BPTF: variants seen among roughly 807,000 people sequenced by gnomAD.
BPTF encodes the protein bromodomain PHD finger transcription factor.
A neutral mutation model predicts 292.5 loss-of-function variants in BPTF; 18 were observed. The ratio of observed to expected loss-of-function variants is 0.06; its 90% CI spans 0.04 to 0.09. The LOEUF is 0.09. Among genes scored for constraint, BPTF ranks in the 10% least tolerant of loss-of-function variants. BPTF has a pLI of 1.00. For synonymous variants in BPTF, 1,225 were observed against 1,251.9 expected, an observed-to-expected ratio of 0.98 and a Z score of 0.45; for missense variants, 2,726 against 3,498.7, an observed-to-expected ratio of 0.78 and a Z score of 5.57.
chr17:67,907,155 A>C (rs1004323964), intron 9 of BPTF, among the ~76,000 whole-genome samples: 2 of 150,058 alleles, frequency 1.3e-5, no homozygotes, highest in Non-Finnish European at 3.0e-5. Context: ...ACTGTGCTCC[A>C]GCCTGGGTGA....
intron 25 of BPTF, chr17:67,965,584 C>T: frequency 6.7e-6 from 1 of 149,282 alleles, no homozygotes; most frequent in East Asian, 2.0e-4. Context: ...CACCTGTAAT[C>T]CCAGCTACTA....
chr17:67,944,408 A>G, intron 20 of BPTF, 36 bp downstream of exon 20: 2 of 1,600,592 alleles, frequency 1.2e-6, no homozygotes, highest in Admixed American at 3.3e-5. Flanking sequence ...GTCGGATGTT[A>G]CTACTACACG....
At position 67,903,833 on chromosome 17, in the gene BPTF, T is replaced by TA. The variant is rs1258289743; in HGVS notation, c.2588_2589insA (p.Lys864GlnfsTer26). 2 of 1,585,474 alleles carry TA rather than the reference T, an allele frequency of 1.3e-6. No homozygotes were observed. The highest frequency in any genetic ancestry group is 1.9e-5 in the Admixed American group (1 of 53,750). On this transcript the variant is annotated frameshift_variant, in exon 8 of 28. Coordinates refer to ENST00000306378, the MANE Select transcript of BPTF (RefSeq NM_182641.4). LOFTEE classifies it high-confidence loss of function. The stretch of plus-strand genomic sequence containing the variant: ...ATTGAAAGAGAAGAAAAGGAGAAAG[T>TA]CAAAAAAAAAGAGAAGAAACAGGAA...
chr17:67,896,396 AG>A lies in BPTF; in HGVS notation c.2543+2235del, dbSNP rs1598487493. On this transcript the variant is annotated intron_variant, in intron 7 of 27. Transcript: ENST00000306378. ...AAGGAAAACATTTGGAGAGGGTGGG[AG>A]GGGCACAAGGGTTGTAAAAATTACC... Among the ~76,000 whole-genome samples, 5 of 152,290 alleles carry A rather than the reference AG, an allele frequency of 3.3e-5. No homozygotes were observed. In the East Asian group the frequency reaches 9.6e-4, roughly 29 times the overall value.
At chr17:67,917,141 T>C (rs113198035) in intron 11 of BPTF, among the ~76,000 whole-genome samples, 1 of 134,758 alleles carries the variant, frequency 7.4e-6, no homozygotes, top group Admixed American at 7.1e-5. Flanking sequence ...CTTTTTTTTT[T>C]TTTTTTTTTG....
chr17:67,903,667 G>A (rs748521559), intron 7 of BPTF, 122 bp from the exon 8 acceptor site: 30 of 827,442 alleles, frequency 3.6e-5, no homozygotes, highest in Non-Finnish European at 5.2e-5. Context: ...TGTCAGTTGG[G>A]GTTGTCTGGT....
chr17:67,929,565 T>G (rs1180968119), intron 17 of BPTF, 78 bp downstream of exon 17: 14 of 1,483,454 alleles, frequency 9.4e-6, no homozygotes, highest in Non-Finnish European at 1.2e-5. Context: ...CTTCCAAGAT[T>G]AATCCAACTC....
intron 6 of BPTF, 151 bp downstream of exon 6, chr17:67,893,876 T>A: frequency 8.7e-7 from 1 of 1,153,994 alleles, no homozygotes; most frequent in South Asian, 1.5e-5. Flanking sequence ...TGAGTGTACT[T>A]CTAACTTACT....
chr17:67,887,763 T>G (rs1423332483), intron 4 of BPTF, among the ~76,000 whole-genome samples: 1 of 152,202 alleles, frequency 6.6e-6, no homozygotes, highest in Non-Finnish European at 1.5e-5. Flanking sequence ...TTCCTCTCTC[T>G]CTCACCTTTT....
In BPTF at chr17:67,918,667, T is replaced by C. The variant is rs368886534; in HGVS notation, c.5304-47T>C. On this transcript the variant is annotated intron_variant, in intron 11 of 27. Transcript: ENST00000306378. ...GAGTGAATATGAATGTGTATGTGTA[T>C]GTATATACATATAGATATATATGGA... 76 of 1,547,494 alleles carry C rather than the reference T, an allele frequency of 4.9e-5. No individual in the cohort carries two copies. The African/African-American group carries it at 9.1e-4, about 19-fold the overall frequency.
intron 19 of BPTF, among the ~76,000 whole-genome samples, chr17:67,942,166 A>G (rs531677993): frequency 6.6e-6 from 1 of 152,180 alleles, no homozygotes; most frequent in African/African-American, 2.4e-5. Context: ...AAATACAAAA[A>G]TTAGTCAGGC....
intron 17 of BPTF, among the ~76,000 whole-genome samples, chr17:67,929,864 C>T (rs1448366501): frequency 3.9e-5 from 6 of 152,146 alleles, no homozygotes; most frequent in Admixed American, 2.0e-4. Flanking sequence ...GCCTGTAATC[C>T]GAACACTTTG....
At chr17:67,907,360 T>G (rs1348912912) in intron 9 of BPTF, among the ~76,000 whole-genome samples, 1 of 146,044 alleles carries the variant, frequency 6.8e-6, no homozygotes, top group East Asian at 2.0e-4. Flanking sequence ...GTTTATCACT[T>G]TTTTTTTTTT....
At chr17:67,926,678 A>C (rs1426257435) in intron 15 of BPTF, among the ~76,000 whole-genome samples, 6 of 152,242 alleles carry the variant, frequency 3.9e-5, no homozygotes, top group Admixed American at 3.9e-4. Flanking sequence ...TATAGCTAAC[A>C]CTTCAACTTT....
At chr17:67,924,686 C>G in intron 15 of BPTF, 97 bp downstream of exon 15, 1 of 1,350,726 alleles carries the variant, frequency 7.4e-7, no homozygotes, top group Non-Finnish European at 1.0e-6. Flanking sequence ...GGAGTTGGTG[C>G]TGGTCCCACT....
intron 11 of BPTF, among the ~76,000 whole-genome samples, chr17:67,917,779 T>C (rs1233408752): frequency 6.6e-6 from 1 of 152,064 alleles, no homozygotes. Flanking sequence ...ATTACAGGCA[T>C]GCACCACCAT....
At chr17:67,880,588 G>T (rs748570144) in intron 4 of BPTF, among the ~76,000 whole-genome samples, 2 of 151,974 alleles carry the variant, frequency 1.3e-5, no homozygotes, top group Non-Finnish European at 1.5e-5. Context: ...GAAGTATATT[G>T]CTTAATATTC....
intron 9 of BPTF, among the ~76,000 whole-genome samples, chr17:67,909,278 CCTTT>C (rs1283436263): frequency 8.1e-5 from 8 of 98,776 alleles, no homozygotes; most frequent in African/African-American, 2.3e-4. Context: ...TCCCCCCCCC[CCTTT>C]TTTTTTTTAT....
At chr17:67,826,847 A>G (rs1235159833) in intron 1 of BPTF, among the ~76,000 whole-genome samples, 1 of 152,224 alleles carries the variant, frequency 6.6e-6, no homozygotes, top group Non-Finnish European at 1.5e-5. Context: ...AACACGCACA[A>G]AAAAATGCGT....
Sources: gnomAD v4.1 joint callset for allele counts (sites outside exome capture counted in the v4.1 genomes callset) on GRCh38, gnomAD v4.1.1 for gene constraint, MANE v1.5 for transcripts, NCBI Gene and HGNC (gene_info 2026-07-23, HGNC 2026-07-21) for gene names.